PTPRQ: variants seen among roughly 807,000 people sequenced by gnomAD.
The protein encoded by PTPRQ is protein tyrosine phosphatase receptor type Q, also known as phosphatidylinositol phosphatase PTPRQ.
In PTPRQ, 199 loss-of-function variants were observed where a neutral mutation model predicts 246.0. The observed-to-expected ratio is 0.81, with a 90% CI of 0.72 to 0.91. The LOEUF is 0.91. PTPRQ is among the 40% of genes least tolerant of loss of function. The probability of loss-of-function intolerance (pLI) is 0.00; values close to 1 mark genes in which losing one functional copy is unlikely to be tolerated. For synonymous variants in PTPRQ, 869 were observed against 853.2 expected, an observed-to-expected ratio of 1.02 and a Z score of -0.32; for missense variants, 2,624 against 2,528.4, an observed-to-expected ratio of 1.04 and a Z score of -0.81.
intron 17 of PTPRQ, among the ~76,000 whole-genome samples, chr12:80,523,200 G>A (rs753366422): frequency 7.9e-5 from 12 of 151,990 alleles, no homozygotes; most frequent in Non-Finnish European, 1.2e-4. Flanking sequence ...CTGTGGGATC[G>A]GTGGTGATAT....
At chr12:80,588,984 G>A (rs1333523679) in intron 26 of PTPRQ, among the ~76,000 whole-genome samples, 1 of 152,172 alleles carries the variant, frequency 6.6e-6, no homozygotes, top group Non-Finnish European at 1.5e-5. Context: ...CCCAGCTTGA[G>A]ATGGGAAGAA....
chr12:80,468,393 T>G (rs1232851606), intron 6 of PTPRQ, among the ~76,000 whole-genome samples: 1 of 152,166 alleles, frequency 6.6e-6, no homozygotes, highest in African/African-American at 2.4e-5. Context: ...TATGCAGGTA[T>G]AAATGTTTCA....
At chr12:80,516,118 A>G (rs1406261069) in intron 17 of PTPRQ, among the ~76,000 whole-genome samples, 1 of 152,146 alleles carries the variant, frequency 6.6e-6, no homozygotes, top group Non-Finnish European at 1.5e-5. Flanking sequence ...ATGGATTTCT[A>G]TTGGAGCACT....
intron 3 of PTPRQ, among the ~76,000 whole-genome samples, chr12:80,455,907 C>T (rs1415546777): frequency 6.6e-6 from 1 of 152,056 alleles, no homozygotes; most frequent in Non-Finnish European, 1.5e-5. Context: ...CCGTCCTTTA[C>T]ATAGTTAATA....
chr12:80,617,712 G>C (rs79633626), intron 30 of PTPRQ, among the ~76,000 whole-genome samples: 2,390 of 151,516 alleles, frequency 0.016, 66 homozygotes, highest in African/African-American at 0.054. Context: ...CAATGTCTTA[G>C]TGGTGGGATC....
At position 80,542,839 on chromosome 12, in the gene PTPRQ, T is replaced by C. The variant is rs1162379612; in HGVS notation, c.3831T>C (p.Ser1277=). The change falls in exon 23 of 45, where the codon AGT becomes AGC. Residue 1277 remains serine, a synonymous_variant. Coordinates refer to ENST00000644991, the MANE Select transcript of PTPRQ (RefSeq NM_001145026.2). ...PLPGGIVKVY[S]FKIHEHETDT... ...CAGGTGGTATTGTTAAAGTATATAG[T>C]TTTAAAATTCATGAACATGAAACTG... 6.5e-7 allele frequency: 1 copy of C among 1,541,736 alleles called. No homozygotes were observed. Among genetic ancestry groups the C allele is most frequent in the Non-Finnish European group, 8.7e-7 (1 of 1,143,056 alleles).
At chr12:80,652,971 AAATTATATATCTT>A (rs1900303943) in intron 38 of PTPRQ, 137 bp downstream of exon 38, 14 of 1,029,780 alleles carry the variant, frequency 1.4e-5, no homozygotes, top group Middle Eastern at 3.5e-4. Context: ...AGTGACTACC[AAATTATATATCTT>A]TTGCTTTGTT....
chr12:80,473,043 A>ACGCG (rs1555185225), intron 8 of PTPRQ, among the ~76,000 whole-genome samples: 1 of 65,396 alleles, frequency 1.5e-5, no homozygotes, highest in African/African-American at 3.5e-5. Flanking sequence ...ACACTCACAC[A>ACGCG]CACGCACACA....
intron 23 of PTPRQ, among the ~76,000 whole-genome samples, chr12:80,544,099 C>T (rs1399910905): frequency 2.0e-5 from 3 of 152,098 alleles, no homozygotes; most frequent in Admixed American, 1.3e-4. Flanking sequence ...CTTAGCATAG[C>T]GGTGAAGCAA....
At chr12:80,470,887 G>A (rs1253543658) in intron 7 of PTPRQ, among the ~76,000 whole-genome samples, 1 of 152,124 alleles carries the variant, frequency 6.6e-6, no homozygotes, top group Non-Finnish European at 1.5e-5. Context: ...TTAATGATAC[G>A]GAGTAATTGG....
chr12:80,639,458 G>A (rs1401707877), intron 35 of PTPRQ, among the ~76,000 whole-genome samples: 1 of 151,940 alleles, frequency 6.6e-6, no homozygotes, highest in East Asian at 1.9e-4. Flanking sequence ...TTAGTTGAGT[G>A]AATGTAATGG....
At chr12:80,550,321 A>T (rs369566662) in intron 25 of PTPRQ, among the ~76,000 whole-genome samples, 73 of 152,196 alleles carry the variant, frequency 4.8e-4, no homozygotes, top group African/African-American at 1.7e-3. Context: ...ATAAATTAAA[A>T]CCTGTTTCTT....
intron 27 of PTPRQ, among the ~76,000 whole-genome samples, chr12:80,607,539 G>C (rs540201622): frequency 7.4e-6 from 1 of 135,982 alleles, no homozygotes; most frequent in South Asian, 2.4e-4. Flanking sequence ...CAATGTACCA[G>C]AACTGTGCTA....
At chr12:80,487,328 C>A (rs1201817373) in intron 9 of PTPRQ, among the ~76,000 whole-genome samples, 1 of 152,078 alleles carries the variant, frequency 6.6e-6, no homozygotes, top group Non-Finnish European at 1.5e-5. Flanking sequence ...TGATAGTGAC[C>A]TGTGCAGGTT....
In PTPRQ at chr12:80,493,290, A is replaced by T; in HGVS notation, c.1375A>T (p.Met459Leu). ...TTAATTACAGTATATAAATGACCCC[A>T]TGGCTCCAGAAATTGTGAACATAGT... ...TGNNEYINDPMAPEIVNIVEP... is the reference protein window; with the variant it reads ...TGNNEYINDPLAPEIVNIVEP... The change falls in exon 10 of 45, where the codon ATG becomes TTG. Residue 459 changes from methionine to leucine, a missense_variant. Transcript: ENST00000644991. 6.5e-7 allele frequency: 1 copy of T among 1,537,028 alleles called. No individual in the cohort carries two copies. Among genetic ancestry groups the T allele is most frequent in the South Asian group, 1.2e-5 (1 of 81,266 alleles).
At chr12:80,674,443 C>A (rs1017743625) in intron 43 of PTPRQ, among the ~76,000 whole-genome samples, 3 of 152,098 alleles carry the variant, frequency 2.0e-5, no homozygotes, top group African/African-American at 7.2e-5. Context: ...GACTGGAGAA[C>A]TCTTCAACCC....
intron 8 of PTPRQ, among the ~76,000 whole-genome samples, chr12:80,478,231 C>G (rs184292809): frequency 6.6e-6 from 1 of 150,562 alleles, no homozygotes; most frequent in Non-Finnish European, 1.5e-5. Context: ...CCCTGACCCC[C>G]GAGCAGCCTA....
intron 19 of PTPRQ, 74 bp from the exon 20 acceptor site, chr12:80,539,702 G>T: frequency 8.2e-7 from 1 of 1,218,558 alleles, no homozygotes; most frequent in Non-Finnish European, 1.1e-6. Flanking sequence ...TCGATCCATT[G>T]ATAACAATTA....
chr12:80,514,501 A>G (rs1272013987), intron 17 of PTPRQ, among the ~76,000 whole-genome samples: 1 of 147,136 alleles, frequency 6.8e-6, no homozygotes, highest in Non-Finnish European at 1.5e-5. Context: ...TATTTGTTCA[A>G]TGGATGAATG....
Sources: allele counts gnomAD v4.1 joint callset (sites outside exome capture counted in the v4.1 genomes callset), GRCh38; gene constraint gnomAD v4.1.1; transcripts MANE v1.5; gene names NCBI Gene and HGNC (gene_info 2026-07-23, HGNC 2026-07-21).